The following XPR1 variants were observed in gnomAD, a reference collection of about 807,000 sequenced individuals.
XPR1 encodes xenotropic and polytropic retrovirus receptor 1, also known as solute carrier family 53 member 1.
A neutral mutation model predicts 87.5 loss-of-function variants in XPR1; 28 were observed. The observed-to-expected ratio is 0.32, with a 90% CI of 0.24 to 0.44. The LOEUF (loss-of-function observed/expected upper bound fraction) is 0.44, where lower values mean the gene tolerates loss of function less well. XPR1 is among the 20% of genes least tolerant of loss of function. The pLI is 1.00. For missense variants in XPR1, 559 were observed against 862.3 expected (o/e 0.65, Z 4.41); for synonymous variants, 300 against 306.1 (o/e 0.98, Z 0.21).
intron 2 of XPR1, among the ~76,000 whole-genome samples, chr1:180,726,450 C>T (rs1404939266): frequency 6.6e-6 from 1 of 152,208 alleles, no homozygotes; most frequent in African/African-American, 2.4e-5. Flanking sequence ...CGGCTTCATT[C>T]TTGGAGTCAG....
intron 1 of XPR1, among the ~76,000 whole-genome samples, chr1:180,656,648 A>ATAAT (rs1557941905): frequency 1.7e-5 from 2 of 117,056 alleles, no homozygotes; most frequent in African/African-American, 7.1e-5. Context: ...ATATATTATT[A>ATAAT]TATATAATAT....
chr1:180,718,720 G>T (rs1658080769), intron 2 of XPR1, among the ~76,000 whole-genome samples: 1 of 149,326 alleles, frequency 6.7e-6, no homozygotes, highest in African/African-American at 2.5e-5. Flanking sequence ...CCAGGCTGGA[G>T]TGCAGTGGCG....
intron 1 of XPR1, among the ~76,000 whole-genome samples, chr1:180,656,456 T>TATAATATATATA (rs1334113687): frequency 0.11 from 370 of 3,280 alleles, 68 homozygotes; most frequent in African/African-American, 0.19. Context: ...TATTTATATA[T>TATAATATATATA]TTATATATAA....
chr1:180,712,252 C>G (rs1657825607), intron 2 of XPR1, among the ~76,000 whole-genome samples: 1 of 152,120 alleles, frequency 6.6e-6, no homozygotes, highest in Non-Finnish European at 1.5e-5. Flanking sequence ...CACTGAAGTA[C>G]CATGATAGCC....
At chr1:180,825,380 G>A (rs781522894) in intron 9 of XPR1, 36 bp downstream of exon 9, 7 of 1,579,864 alleles carry the variant, frequency 4.4e-6, no homozygotes, top group Admixed American at 1.8e-5. Flanking sequence ...TTTTAGAGTG[G>A]CATATTGGTT....
intron 1 of XPR1, among the ~76,000 whole-genome samples, chr1:180,635,812 AT>A (rs1359068745): frequency 6.6e-6 from 1 of 152,192 alleles, no homozygotes; most frequent in East Asian, 1.9e-4. Flanking sequence ...ATGTTAGAGA[AT>A]TGGACTTGAT....
chr1:180,656,220 C>A (rs1023429677), intron 1 of XPR1, among the ~76,000 whole-genome samples: 2 of 145,198 alleles, frequency 1.4e-5, no homozygotes, highest in East Asian at 4.0e-4. Context: ...CTGTGCCTGG[C>A]CTTTTTGACT....
At chr1:180,860,380 T>C (rs185676957) in intron 11 of XPR1, among the ~76,000 whole-genome samples, 486 of 152,228 alleles carry the variant, frequency 3.2e-3, no homozygotes, top group Non-Finnish European at 5.0e-3. Flanking sequence ...TGAAAACATA[T>C]TACATAAAGT....
intron 2 of XPR1, among the ~76,000 whole-genome samples, chr1:180,712,910 C>A (rs1335798997): frequency 1.3e-5 from 2 of 148,148 alleles, no homozygotes; most frequent in Non-Finnish European, 3.0e-5. Context: ...GTCTTGAAAT[C>A]AATTAGCATT....
At chr1:180,837,957 A>G (rs1187755366) in intron 11 of XPR1, among the ~76,000 whole-genome samples, 1 of 152,148 alleles carries the variant, frequency 6.6e-6, no homozygotes, top group Non-Finnish European at 1.5e-5. Flanking sequence ...TTTTTGGTCG[A>G]ATATTTTAGA....
chr1:180,726,559 C>T (rs1402153341), intron 2 of XPR1, among the ~76,000 whole-genome samples: 2 of 152,186 alleles, frequency 1.3e-5, no homozygotes, highest in Admixed American at 1.3e-4. Flanking sequence ...TCCATTCACC[C>T]CTCTTGGGGT....
At chr1:180,834,543 G>C (rs965964151) in intron 9 of XPR1, among the ~76,000 whole-genome samples, 2 of 152,144 alleles carry the variant, frequency 1.3e-5, no homozygotes, top group Non-Finnish European at 2.9e-5. Flanking sequence ...TATATTTTTA[G>C]ATGAAAAATC....
At chr1:180,776,295 A>G (rs1648714815) in intron 2 of XPR1, among the ~76,000 whole-genome samples, 1 of 152,104 alleles carries the variant, frequency 6.6e-6, no homozygotes, top group Non-Finnish European at 1.5e-5. Flanking sequence ...TATGTTAACA[A>G]TATTTCTTAA....
rs536961308 is a variant in XPR1, at chr1:180,854,120, A to G, written c.1502-9588A>G. Reference sequence around the variant, plus strand: ...CTTTATCTATTTTTAGCTCTCAGGAACTTATCCTCATATAAGTCTGTTGCT... The same window carrying G: ...CTTTATCTATTTTTAGCTCTCAGGAGCTTATCCTCATATAAGTCTGTTGCT... On this transcript the variant is annotated intron_variant, in intron 11 of 14. Transcript: ENST00000367590. Among the ~76,000 whole-genome samples, 16 of 152,348 alleles carry G rather than the reference A, an allele frequency of 1.1e-4. 1 individual carries two copies. Among genetic ancestry groups the G allele is most frequent in the African/African-American group, 3.1e-4 (13 of 41,582 alleles).
At chr1:180,807,212 G>A (rs1440197828) in intron 6 of XPR1, among the ~76,000 whole-genome samples, 2 of 152,194 alleles carry the variant, frequency 1.3e-5, no homozygotes, top group Non-Finnish European at 2.9e-5. Flanking sequence ...ATTATAGCCA[G>A]TGCGGTAAGG....
At chr1:180,716,145 T>C (rs1303419634) in intron 2 of XPR1, among the ~76,000 whole-genome samples, 3 of 151,884 alleles carry the variant, frequency 2.0e-5, no homozygotes, top group African/African-American at 7.3e-5. Flanking sequence ...GGTTTTTTGT[T>C]TGTTTGTTGG....
At position 180,887,486 on chromosome 1, in the gene XPR1, G is replaced by C. The variant is rs545526970; in HGVS notation, c.*3420G>C. The C allele has an allele frequency of 6.6e-6, 1 of 152,304 alleles. No individual in the cohort carries two copies. Among genetic ancestry groups the C allele is most frequent in the African/African-American group, 2.4e-5 (1 of 41,562 alleles). The allele number at this position is 152,304 out of a possible 1,614,324, so 9.4% of individuals were successfully genotyped here. On this transcript the variant is annotated 3_prime_UTR_variant, in exon 15 of 15. Transcript: ENST00000367590. ...TAAGGCTGCCTATACCATTACAGTGGCGTAATTGGTGATTTCATAGCATAC... is the reference window on the plus strand; with the variant it reads ...TAAGGCTGCCTATACCATTACAGTGCCGTAATTGGTGATTTCATAGCATAC...
At chr1:180,755,950 G>A (rs1647721631) in intron 2 of XPR1, among the ~76,000 whole-genome samples, 1 of 152,236 alleles carries the variant, frequency 6.6e-6, no homozygotes, top group African/African-American at 2.4e-5. Flanking sequence ...AGGGCTGGGA[G>A]AGGGTCAGAG....
chr1:180,636,752 G>C (rs1425196583), intron 1 of XPR1, among the ~76,000 whole-genome samples: 4 of 152,108 alleles, frequency 2.6e-5, no homozygotes, highest in African/African-American at 9.7e-5. Context: ...AGAGAAGACA[G>C]TATTAGAAAA....
Sources: gnomAD v4.1 joint callset for allele counts (sites outside exome capture counted in the v4.1 genomes callset) on GRCh38, gnomAD v4.1.1 for gene constraint, MANE v1.5 for transcripts, NCBI Gene and HGNC (gene_info 2026-07-23, HGNC 2026-07-21) for gene names.